Variants in CDH18 observed in about 807,000 individuals in gnomAD.
CDH18 encodes cadherin-18.
CDH18 carries 31 observed loss-of-function variants against 67.9 expected under a neutral mutation model. The ratio of observed to expected loss-of-function variants is 0.46; its 90% confidence interval spans 0.34 to 0.62. The LOEUF (loss-of-function observed/expected upper bound fraction) is 0.62, where lower values mean the gene tolerates loss of function less well. Among genes scored for constraint, CDH18 ranks in the 20% least tolerant of loss-of-function variants. CDH18 has a pLI of 0.01. For missense variants in CDH18, 890 were observed against 975.5 expected, an observed-to-expected ratio of 0.91 and a Z score of 1.17; for synonymous variants, 362 against 347.2, an observed-to-expected ratio of 1.04 and a Z score of -0.48.
At chr5:19,618,512 TG>T (rs1750194485) in intron 5 of CDH18, among the ~76,000 whole-genome samples, 1 of 152,268 alleles carries the variant, frequency 6.6e-6, no homozygotes, top group African/African-American at 2.4e-5. Context: ...GGCCTACTTT[TG>T]GTTCTTTTTC....
chr5:20,352,371 A>G (rs1253382860), intron 1 of CDH18, among the ~76,000 whole-genome samples: 1 of 151,692 alleles, frequency 6.6e-6, no homozygotes, highest in East Asian at 1.9e-4. Flanking sequence ...TTCTGGGGGG[A>G]AGTCAAAAAT....
chr5:19,840,858 T>C (rs1782237532), intron 2 of CDH18, among the ~76,000 whole-genome samples: 1 of 152,212 alleles, frequency 6.6e-6, no homozygotes, highest in Non-Finnish European at 1.5e-5. Context: ...TTTCATTTAA[T>C]AAAAAGTACT....
intron 3 of CDH18, among the ~76,000 whole-genome samples, chr5:19,805,622 A>G (rs977876806): frequency 1.3e-5 from 2 of 152,112 alleles, no homozygotes; most frequent in Non-Finnish European, 2.9e-5. Flanking sequence ...AGCCTGTCCA[A>G]ATAACTTCAT....
At chr5:20,003,511 G>A (rs889853447) in intron 2 of CDH18, among the ~76,000 whole-genome samples, 1 of 151,948 alleles carries the variant, frequency 6.6e-6, no homozygotes, top group African/African-American at 2.4e-5. Context: ...TGTCCAAAAT[G>A]AAAATTCTCA....
chr5:20,269,844 A>AT (rs1296898175), intron 1 of CDH18, among the ~76,000 whole-genome samples: 1 of 152,156 alleles, frequency 6.6e-6, no homozygotes, highest in Non-Finnish European at 1.5e-5. Context: ...ATGTAACAAA[A>AT]TTGCACATAT....
intron 2 of CDH18, among the ~76,000 whole-genome samples, chr5:20,202,937 A>G (rs1220961621): frequency 6.6e-6 from 1 of 151,994 alleles, no homozygotes; most frequent in Non-Finnish European, 1.5e-5. Flanking sequence ...CAAAACAAAC[A>G]TATAGCACTG....
chr5:20,408,033 C>T (rs1746442877), intron 1 of CDH18, among the ~76,000 whole-genome samples: 1 of 151,946 alleles, frequency 6.6e-6, no homozygotes, highest in Admixed American at 6.6e-5. Context: ...AGACTTATAA[C>T]ATACAAGGGA....
At chr5:20,100,717 C>G (rs1746383674) in intron 2 of CDH18, among the ~76,000 whole-genome samples, 1 of 151,996 alleles carries the variant, frequency 6.6e-6, no homozygotes, top group Non-Finnish European at 1.5e-5. Context: ...TCTTTAGCTC[C>G]TAAACATATC....
At chr5:20,210,122 T>C (rs927701315) in intron 2 of CDH18, among the ~76,000 whole-genome samples, 1 of 151,826 alleles carries the variant, frequency 6.6e-6, no homozygotes, top group Non-Finnish European at 1.5e-5. Context: ...ATATTGATTT[T>C]ATTATTTTCC....
At chr5:20,532,401 T>C (rs1279318879) in intron 1 of CDH18, among the ~76,000 whole-genome samples, 1 of 152,128 alleles carries the variant, frequency 6.6e-6, no homozygotes, top group East Asian at 1.9e-4. Flanking sequence ...TTTTCTCCTG[T>C]ACTCAGTGCT....
intron 2 of CDH18, among the ~76,000 whole-genome samples, chr5:19,840,508 G>A (rs1027749514): frequency 1.8e-4 from 27 of 152,066 alleles, no homozygotes; most frequent in African/African-American, 6.5e-4. Flanking sequence ...TTTGAGGCCA[G>A]CCTGTCCAAC....
chr5:20,249,595 T>A (rs1207821088), intron 2 of CDH18, among the ~76,000 whole-genome samples: 1 of 151,950 alleles, frequency 6.6e-6, no homozygotes, highest in African/African-American at 2.4e-5. Flanking sequence ...TGGTCTCGAT[T>A]TCGTGATCTC....
At chr5:19,847,167 C>T (rs1783075828) in intron 2 of CDH18, among the ~76,000 whole-genome samples, 1 of 151,950 alleles carries the variant, frequency 6.6e-6, no homozygotes, top group African/African-American at 2.4e-5. Context: ...ATAGCTATTC[C>T]CTTTCCAATG....
intron 2 of CDH18, among the ~76,000 whole-genome samples, chr5:19,973,149 G>A (rs537771759): frequency 6.6e-6 from 1 of 152,120 alleles, no homozygotes; most frequent in African/African-American, 2.4e-5. Context: ...TTTAACAAAA[G>A]TAATGTTAAA....
intron 2 of CDH18, among the ~76,000 whole-genome samples, chr5:19,932,468 T>C (rs373234640): frequency 6.6e-6 from 1 of 151,668 alleles, no homozygotes; most frequent in Non-Finnish European, 1.5e-5. Flanking sequence ...TCATCAAAGA[T>C]AGCTGTCTAT....
In CDH18 at chr5:19,472,728, G is replaced by T. The variant is rs140476377; in HGVS notation, c.*498C>A. Among the ~76,000 whole-genome samples the T allele has an allele frequency of 5.3e-5, 8 of 151,998 alleles. No individual in the cohort carries two copies. The highest frequency in any genetic ancestry group is 1.7e-4 in the African/African-American group (7 of 41,394). On this transcript the variant is annotated 3_prime_UTR_variant, in exon 13 of 13. Coordinates refer to ENST00000382275, the MANE Select transcript of CDH18 (RefSeq NM_004934.5). Reference sequence around the variant, plus strand: ...TCATGTAATATAAACACAAGACAAGGCTAATGAGATCTGTTATAATAACAG... The same window carrying T: ...TCATGTAATATAAACACAAGACAAGTCTAATGAGATCTGTTATAATAACAG...
chr5:19,472,048 G>T lies in CDH18; in HGVS notation c.*1178C>A, dbSNP rs1398953457. Among the ~76,000 whole-genome samples, 1 of 152,026 alleles carries T rather than the reference G, an allele frequency of 6.6e-6. No individual in the cohort carries two copies. Among genetic ancestry groups the T allele is most frequent in the Non-Finnish European group, 1.5e-5 (1 of 68,012 alleles). On this transcript the variant is annotated 3_prime_UTR_variant, in exon 13 of 13. Coordinates refer to ENST00000382275, the MANE Select transcript of CDH18 (RefSeq NM_004934.5). ...GGAAACATATCTGAGGATAATAACTGTGAATCTCCTTTTTTGCTCCTAGTC... is the reference window on the plus strand; with the variant it reads ...GGAAACATATCTGAGGATAATAACTTTGAATCTCCTTTTTTGCTCCTAGTC...
chr5:20,549,039 T>A (rs1651451), intron 1 of CDH18, among the ~76,000 whole-genome samples: 67,071 of 151,902 alleles, frequency 0.44, 15,229 homozygotes, highest in East Asian at 0.57. Context: ...AGTGGTCAAA[T>A]ATAAAGAAAA....
intron 5 of CDH18, among the ~76,000 whole-genome samples, chr5:19,669,781 C>CTGT (rs1758490177): frequency 1.3e-5 from 2 of 152,166 alleles, no homozygotes; most frequent in African/African-American, 2.4e-5. Flanking sequence ...ATTCATTACT[C>CTGT]AGTAACTATT....
Sources: allele counts gnomAD v4.1 joint callset (sites outside exome capture counted in the v4.1 genomes callset), GRCh38; gene constraint gnomAD v4.1.1; transcripts MANE v1.5; gene names NCBI Gene and HGNC (gene_info 2026-07-23, HGNC 2026-07-21).